The following FCN3 variants were observed in gnomAD, a reference collection of about 807,000 sequenced individuals.
FCN3 encodes ficolin-3.
A neutral mutation model predicts 31.5 loss-of-function variants in FCN3; 28 were observed. The observed-to-expected ratio is 0.89, with a 90% confidence interval of 0.66 to 1.22. The LOEUF (loss-of-function observed/expected upper bound fraction) is 1.22, where lower values mean the gene tolerates loss of function less well. FCN3 is among the 50% of genes most tolerant of loss of function. The probability of loss-of-function intolerance (pLI) is 0.00; values close to 1 mark genes in which losing one functional copy is unlikely to be tolerated. For synonymous variants in FCN3, 124 were observed against 147.4 expected, an observed-to-expected ratio of 0.84 and a Z score of 1.15; for missense variants, 351 against 386.8, an observed-to-expected ratio of 0.91 and a Z score of 0.78.
Position 27,374,711 on chromosome 1 carries a change from G to A in FCN3, c.91+17C>T, listed in dbSNP as rs1222240630. 4 of 1,395,552 alleles carry A rather than the reference G, an allele frequency of 2.9e-6. No individual in the cohort carries two copies. The highest frequency in any genetic ancestry group is 2.9e-5 in the African/African-American group (2 of 67,876). 86.4% of individuals were successfully genotyped at this position (1,395,552 alleles called of 1,614,324 possible). A position where few individuals can be genotyped will look rare whatever the true frequency, so the allele number is the denominator to read the frequency against. On this transcript the variant is annotated intron_variant, in intron 1 of 7. Transcript: ENST00000270879. Reference sequence around the variant, plus strand: ...AATGAGGAGTGGGTTGGTGAGGAGGGCACCCTAGGTGCCCACCTGGGCAGC... The same window carrying A: ...AATGAGGAGTGGGTTGGTGAGGAGGACACCCTAGGTGCCCACCTGGGCAGC...
At position 27,374,771 on chromosome 1, in the gene FCN3, C is replaced by T; in HGVS notation, c.48G>A (p.Gly16=). ...CCTGGGTCTTCAGGCAGGCAGGCCCCCCAAGCAGGAGAAGCCACAGGGAGG... is the reference window on the plus strand; with the variant it reads ...CCTGGGTCTTCAGGCAGGCAGGCCCTCCAAGCAGGAGAAGCCACAGGGAGG... The part of the protein sequence containing the change: ...ILPSLWLLLL[G]GPACLKTQEH... Residue 16 remains glycine, a synonymous_variant, in exon 1 of 8, where the codon GGG becomes GGA. Coordinates refer to ENST00000270879, the MANE Select transcript of FCN3 (RefSeq NM_003665.4). The T allele has an allele frequency of 7.2e-7, 1 of 1,388,866 alleles. No homozygotes were observed. Among genetic ancestry groups the T allele is most frequent in the Non-Finnish European group, 9.4e-7 (1 of 1,066,022 alleles). The allele number at this position is 1,388,866 out of a possible 1,614,324, so 86.0% of individuals were successfully genotyped here.
At chr1:27,372,829 G>A (rs1385593557) in intron 5 of FCN3, among the ~76,000 whole-genome samples, 1 of 140,394 alleles carries the variant, frequency 7.1e-6, no homozygotes, top group African/African-American at 2.7e-5. Flanking sequence ...CCAGGCTGGA[G>A]TGCAATGGCA....
rs926023667 is a variant in FCN3 at position 27,374,314 on chromosome 1, C to T, written c.187+42G>A. 8.4e-6 allele frequency: 12 copies of T among 1,430,532 alleles called. No individual in the cohort carries two copies. The African/African-American group carries it at 1.4e-4, about 17-fold the overall frequency. The allele number at this position is 1,430,532 out of a possible 1,614,324, so 88.6% of individuals were successfully genotyped here. A position where few individuals can be genotyped will look rare whatever the true frequency, so the allele number is the denominator to read the frequency against. ...ACAAAAATTGCTACTTTCCTGCCTT[C>T]CCCATTCCCAAGATCCCAGCCCGCT... is the stretch of plus-strand genomic sequence containing the variant. On this transcript the variant is annotated intron_variant, in intron 2 of 7. Transcript: ENST00000270879.
chr1:27,371,917 G>A (rs1320729905), intron 5 of FCN3, among the ~76,000 whole-genome samples: 3 of 151,976 alleles, frequency 2.0e-5, no homozygotes. Flanking sequence ...CTGCCACCAC[G>A]CCCAGCTAAT....
chr1:27,374,194 T>G (rs2016204702), intron 2 of FCN3, 162 bp downstream of exon 2: 2 of 711,692 alleles, frequency 2.8e-6, no homozygotes, highest in Non-Finnish European at 4.8e-6. Flanking sequence ...ATGAAACCAC[T>G]TACCTGGCAG....
At chr1:27,370,533 G>T in intron 7 of FCN3, 63 bp downstream of exon 7, 3 of 1,435,954 alleles carry the variant, frequency 2.1e-6, no homozygotes, top group Non-Finnish European at 2.9e-6. Flanking sequence ...TCATTCATGG[G>T]GGCAGTGGCA....
chr1:27,372,968 T>G (rs1346527985), intron 5 of FCN3, among the ~76,000 whole-genome samples, 168 bp downstream of exon 5: 2 of 152,104 alleles, frequency 1.3e-5, no homozygotes, highest in African/African-American at 2.4e-5. Flanking sequence ...AGGCACCTCC[T>G]CTGTGAAGCC....
intron 5 of FCN3, among the ~76,000 whole-genome samples, chr1:27,372,062 G>A (rs1483774758): frequency 6.6e-6 from 1 of 151,758 alleles, no homozygotes; most frequent in Non-Finnish European, 1.5e-5. Context: ...TGTCAGGCCT[G>A]CTCCACTGTC....
Position 27,370,778 on chromosome 1 carries a change from G to A in FCN3, c.524-48C>T, listed in dbSNP as rs562213827. Reference sequence around the variant, plus strand: ...ATGGAGGAATCCTCAGTTCTTGGGGGTGGGGCAGGGATTCAGGATGGCAGA... The same window carrying A: ...ATGGAGGAATCCTCAGTTCTTGGGGATGGGGCAGGGATTCAGGATGGCAGA... On this transcript the variant is annotated intron_variant, in intron 6 of 7. Transcript: ENST00000270879. The A allele has an allele frequency of 2.5e-6, 4 of 1,611,690 alleles. No homozygotes were observed. In the African/African-American group the frequency reaches 5.3e-5, roughly 21 times the overall value.
At position 27,374,795 on chromosome 1, in the gene FCN3, G is replaced by A; in HGVS notation, c.24C>T (p.Pro8=). Residue 8 remains proline, a synonymous_variant, in exon 1 of 8, where the codon CCC becomes CCT. Coordinates refer to ENST00000270879, the MANE Select transcript of FCN3 (RefSeq NM_003665.4). The stretch of plus-strand genomic sequence containing the variant: ...CCCCAAGCAGGAGAAGCCACAGGGA[G>A]GGCAGGATCCACAGTAGATCCATCT... MDLLWIL[P]SLWLLLLGGP... is the part of the protein sequence containing the mutation. 7.2e-7 allele frequency: 1 copy of A among 1,386,120 alleles called. No homozygotes were observed. Among genetic ancestry groups the A allele is most frequent in the Non-Finnish European group, 9.4e-7 (1 of 1,064,604 alleles). The allele number at this position is 1,386,120 out of a possible 1,614,324, so 85.9% of individuals were successfully genotyped here. A position where few individuals can be genotyped will look rare whatever the true frequency, so the allele number is the denominator to read the frequency against.
Position 27,373,507 on chromosome 1 carries a change from G to T in FCN3, c.246C>A (p.Asn82Lys), listed in dbSNP as rs751525696. The change falls in exon 4 of 8, where the codon AAC becomes AAA. Residue 82 changes from asparagine (N) to lysine (K), a missense_variant. Asn to Lys is a moderately conservative substitution (Grantham distance 94, BLOSUM62 0). Coordinates refer to ENST00000270879, the MANE Select transcript of FCN3 (RefSeq NM_003665.4). ...GPKGEPGDPV[N>K]LLRCQEGPRN... Reference sequence around the variant, plus strand: ...CCTCACCTTCCTGGCACCGGAGCAGGTTCACTGGATCTCCTGCCCCAGAGA... The same window carrying T: ...CCTCACCTTCCTGGCACCGGAGCAGTTTCACTGGATCTCCTGCCCCAGAGA... 5 of 1,613,952 alleles carry T rather than the reference G, an allele frequency of 3.1e-6. No individual in the cohort carries two copies. Among genetic ancestry groups the T allele is most frequent in the African/African-American group, 1.3e-5 (1 of 74,908 alleles).
At chr1:27,372,357 C>T (rs2148071474) in intron 5 of FCN3, among the ~76,000 whole-genome samples, 1 of 152,136 alleles carries the variant, frequency 6.6e-6, no homozygotes, top group Non-Finnish European at 1.5e-5. Context: ...AAGCAATTCT[C>T]CCAGCTCAGC....
intron 7 of FCN3, 66 bp from the exon 8 acceptor site, chr1:27,369,543 A>C: frequency 6.9e-7 from 1 of 1,459,230 alleles, no homozygotes; most frequent in Non-Finnish European, 9.6e-7. Context: ...TGGAGATATA[A>C]TGCCATGGGA....
intron 7 of FCN3, 43 bp from the exon 8 acceptor site, chr1:27,369,520 C>T (rs10218730): frequency 1 from 1,594,890 of 1,597,172 alleles, 796,333 homozygotes; most frequent in East Asian, 1. Context: ...CCCAGCACCA[C>T]GCCTGGCACC....
At chr1:27,374,161 C>G in intron 2 of FCN3, 152 bp from the exon 3 acceptor site, 1 of 753,546 alleles carries the variant, frequency 1.3e-6, no homozygotes, top group Non-Finnish European at 2.2e-6. Context: ...CTGAACCTCC[C>G]TTTCCTCCTC....
Position 27,374,451 on chromosome 1 carries a change from C to T in FCN3, c.92G>A (p.Gly31Glu). ...LKTQEHPSCPGPRELEASKVV... is the reference protein window; with the variant it reads ...LKTQEHPSCPEPRELEASKVV... ...TTTGCTGGCTTCCAGTTCCCTGGGT[C>T]CTACAGGGAGACACAGGCAGGGTGG... Residue 31 changes from glycine (G) to glutamate (E), a missense_variant and splice_region_variant, in exon 2 of 8, where the codon GGA becomes GAA. Coordinates refer to ENST00000270879, the MANE Select transcript of FCN3 (RefSeq NM_003665.4). The T allele has an allele frequency of 6.2e-7, 1 of 1,607,472 alleles. No individual in the cohort carries two copies. The highest frequency in any genetic ancestry group is 1.1e-5 in the South Asian group (1 of 90,914).
At position 27,369,262 on chromosome 1, in the gene FCN3, G is replaced by GGTA; in HGVS notation, c.871_873dup (p.Tyr291dup). ...TATCGAAGCATCATCCGAACCCTGC[G>GGTA]GTAGGGGTGGCCCACACCACGGCCT... is the stretch of plus-strand genomic sequence containing the variant. On this transcript the variant is annotated inframe_insertion, in exon 8 of 8. Transcript: ENST00000270879. The GGTA allele has an allele frequency of 6.2e-7, 1 of 1,614,212 alleles. No homozygotes were observed. The highest frequency in any genetic ancestry group is 8.5e-7 in the Non-Finnish European group (1 of 1,180,038).
rs546449247 is a variant in FCN3, at chr1:27,370,658, C to T, written c.596G>A (p.Arg199His). 4.3e-5 allele frequency: 69 copies of T among 1,614,212 alleles called. No homozygotes were observed. Among genetic ancestry groups the T allele is most frequent in the South Asian group, 3.7e-4 (34 of 91,080 alleles). ...GTAGTGGTCTACCTCACCGAGGAGG[C>T]GGAAGGTCGCATAGTGGGCGAAAGT... ...NRTFAHYATF[R>H]LLGEVDHYQL... The change falls in exon 7 of 8, where the codon CGC becomes CAC. Residue 199 changes from arginine (R) to histidine (H), a missense_variant. Physicochemically the swap from Arg to His is conservative, Grantham distance 29. Coordinates refer to ENST00000270879, the MANE Select transcript of FCN3 (RefSeq NM_003665.4).
chr1:27,372,778 T>TTC (rs1247396781), intron 5 of FCN3, among the ~76,000 whole-genome samples: 4 of 146,680 alleles, frequency 2.7e-5, no homozygotes, highest in Admixed American at 2.7e-4. Context: ...ACCCTATTTT[T>TTC]TTTTTTTTTT....
Sources: gnomAD v4.1 joint callset for allele counts (sites outside exome capture counted in the v4.1 genomes callset) on GRCh38, gnomAD v4.1.1 for gene constraint, MANE v1.5 for transcripts, NCBI Gene and HGNC (gene_info 2026-07-23, HGNC 2026-07-21) for gene names.